The following LCLAT1 variants were observed in gnomAD, a reference collection of about 807,000 sequenced individuals.
The protein encoded by LCLAT1 is lysocardiolipin acyltransferase 1.
In LCLAT1, 11 loss-of-function variants were observed where a neutral mutation model predicts 30.7. The ratio of observed to expected loss-of-function variants is 0.36; its 90% CI spans 0.23 to 0.59. LCLAT1 has a LOEUF of 0.59. Among genes scored for constraint, LCLAT1 ranks in the 20% least tolerant of loss-of-function variants. LCLAT1 has a pLI of 0.77. For synonymous variants in LCLAT1, 155 were observed against 151.3 expected (o/e 1.02, Z -0.18); for missense variants, 402 against 458.6 (o/e 0.88, Z 1.13).
chr2:30,453,039 A>G (rs1456297713), intron 1 of LCLAT1, among the ~76,000 whole-genome samples: 1 of 152,196 alleles, frequency 6.6e-6, no homozygotes, highest in African/African-American at 2.4e-5. Flanking sequence ...TCACTTGCTC[A>G]GAGAAAATGG....
At chr2:30,542,189 C>T (rs1664174798) in intron 3 of LCLAT1, among the ~76,000 whole-genome samples, 1 of 151,994 alleles carries the variant, frequency 6.6e-6, no homozygotes. Context: ...TTTTTTAAAC[C>T]TGTCTTTCAA....
intron 1 of LCLAT1, chr2:30,476,399 C>T: frequency 2.2e-6 from 1 of 456,696 alleles, no homozygotes; most frequent in Non-Finnish European, 4.4e-6. Flanking sequence ...TCTGTCTTTA[C>T]AGCCACTCCA....
chr2:30,535,683 T>TC (rs1308718656), intron 3 of LCLAT1, among the ~76,000 whole-genome samples: 1 of 152,142 alleles, frequency 6.6e-6, no homozygotes, highest in African/African-American at 2.4e-5. Context: ...GAAAGCTATA[T>TC]CATAAAATTG....
chr2:30,467,084 C>A (rs979057356), intron 1 of LCLAT1, among the ~76,000 whole-genome samples: 1 of 152,118 alleles, frequency 6.6e-6, no homozygotes, highest in Non-Finnish European at 1.5e-5. Flanking sequence ...TGCTATCCCT[C>A]CCCTCTCCCC....
intron 1 of LCLAT1, among the ~76,000 whole-genome samples, chr2:30,522,377 A>T (rs1231919321): frequency 1.3e-5 from 2 of 152,122 alleles, no homozygotes; most frequent in African/African-American, 4.8e-5. Flanking sequence ...TTATTGTTTT[A>T]AAATTTTTTT....
At chr2:30,524,637 T>C (rs921719595) in intron 1 of LCLAT1, among the ~76,000 whole-genome samples, 30 of 152,236 alleles carry the variant, frequency 2.0e-4, no homozygotes, top group Non-Finnish European at 8.8e-5. Context: ...GTCCAGTGCA[T>C]TGATACAATA....
chr2:30,576,986 A>G (rs1236007219), intron 5 of LCLAT1, among the ~76,000 whole-genome samples: 1 of 151,678 alleles, frequency 6.6e-6, no homozygotes, highest in African/African-American at 2.4e-5. Flanking sequence ...ATGAAACTAA[A>G]TACAGAAATT....
At chr2:30,538,597 T>G (rs1663929577) in intron 3 of LCLAT1, among the ~76,000 whole-genome samples, 1 of 151,740 alleles carries the variant, frequency 6.6e-6, no homozygotes. Context: ...ATTGCACCAC[T>G]GCACTGTAGC....
chr2:30,545,563 A>AT (rs1204679115), intron 3 of LCLAT1, among the ~76,000 whole-genome samples: 1 of 152,154 alleles, frequency 6.6e-6, no homozygotes, highest in East Asian at 1.9e-4. Context: ...AAGTATTTAG[A>AT]TTTCAGGTCA....
intron 1 of LCLAT1, among the ~76,000 whole-genome samples, chr2:30,498,057 T>C (rs1684203499): frequency 6.6e-6 from 1 of 151,944 alleles, no homozygotes; most frequent in African/African-American, 2.4e-5. Context: ...TTACCCAGAG[T>C]TCTTTGTCTC....
chr2:30,560,284 GT>G (rs1665140546), intron 3 of LCLAT1, among the ~76,000 whole-genome samples: 7 of 5,008 alleles, frequency 1.4e-3, no homozygotes, highest in African/African-American at 1.9e-3. Flanking sequence ...ATAAAGTGTG[GT>G]GTGTGTGTGT....
At chr2:30,487,241 G>A (rs187394097) in intron 1 of LCLAT1, among the ~76,000 whole-genome samples, 1 of 152,336 alleles carries the variant, frequency 6.6e-6, no homozygotes, top group Admixed American at 6.5e-5. Flanking sequence ...AGAATGCAAA[G>A]TTGGGAACCA....
At chr2:30,516,322 G>A (rs1685181684) in intron 1 of LCLAT1, among the ~76,000 whole-genome samples, 1 of 152,048 alleles carries the variant, frequency 6.6e-6, no homozygotes, top group African/African-American at 2.4e-5. Flanking sequence ...GCTTTCACTC[G>A]CCGTCCACCA....
At chr2:30,519,604 G>A (rs1685373056) in intron 1 of LCLAT1, among the ~76,000 whole-genome samples, 1 of 152,194 alleles carries the variant, frequency 6.6e-6, no homozygotes, top group African/African-American at 2.4e-5. Flanking sequence ...TTGTAACTCA[G>A]CTCACACCTG....
intron 3 of LCLAT1, among the ~76,000 whole-genome samples, chr2:30,553,425 G>A (rs1452886740): frequency 1.3e-5 from 2 of 152,332 alleles, no homozygotes; most frequent in East Asian, 1.9e-4. Context: ...AGCTATGCCA[G>A]TATATATAGA....
intron 3 of LCLAT1, among the ~76,000 whole-genome samples, chr2:30,557,670 C>G (rs1263962987): frequency 6.6e-6 from 1 of 151,926 alleles, no homozygotes; most frequent in Non-Finnish European, 1.5e-5. Context: ...CTGCCTCGGC[C>G]TCCCAAAGTG....
intron 2 of LCLAT1, 78 bp downstream of exon 2, chr2:30,525,833 T>G: frequency 1.6e-6 from 2 of 1,229,226 alleles, no homozygotes; most frequent in South Asian, 1.3e-5. Context: ...AATCCATGGA[T>G]GTTCAAGTCC....
chr2:30,532,387 A>C (rs1686023730), intron 2 of LCLAT1, among the ~76,000 whole-genome samples: 1 of 152,148 alleles, frequency 6.6e-6, no homozygotes, highest in Non-Finnish European at 1.5e-5. Flanking sequence ...TAAATTTGTT[A>C]CATGTAAATT....
intron 5 of LCLAT1, among the ~76,000 whole-genome samples, chr2:30,636,322 T>G (rs1356934399): frequency 6.6e-6 from 1 of 152,170 alleles, no homozygotes; most frequent in Non-Finnish European, 1.5e-5. Context: ...GAGATAGTAT[T>G]GAAATGTGAT....
Sources: allele counts gnomAD v4.1 joint callset (sites outside exome capture counted in the v4.1 genomes callset), GRCh38; gene constraint gnomAD v4.1.1; transcripts MANE v1.5; gene names NCBI Gene and HGNC (gene_info 2026-07-23, HGNC 2026-07-21).